The following CENPF variants were observed in gnomAD, a reference collection of about 807,000 sequenced individuals.
CENPF encodes centromere protein F.
A neutral mutation model predicts 307.3 loss-of-function variants in CENPF; 214 were observed. The observed-to-expected ratio is 0.70, with a 90% CI of 0.62 to 0.78. The LOEUF is 0.78. CENPF is among the 30% of genes least tolerant of loss of function. The pLI, the probability that CENPF is intolerant of heterozygous loss-of-function variation, is 0.00. For synonymous variants in CENPF, 1,259 were observed against 1,270.6 expected (o/e 0.99, Z 0.19); for missense variants, 3,401 against 3,483.9 (o/e 0.98, Z 0.60).
In CENPF at chr1:214,622,147, G is replaced by A; in HGVS notation, c.934G>A (p.Val312Met). 1 of 1,614,062 alleles carries A rather than the reference G, an allele frequency of 6.2e-7. No homozygotes were observed. The highest frequency in any genetic ancestry group is 8.5e-7 in the Non-Finnish European group (1 of 1,179,982). ...ACATGAAAAAGAAATGAAAGGCCAA[G>A]TGAATAAGTTTCAAGAACTCCAACT... ...QGHEKEMKGQ[V>M]NKFQELQLQL... Residue 312 changes from valine to methionine, a missense_variant, in exon 7 of 20, where the codon GTG becomes ATG. Transcript: ENST00000366955.
At chr1:214,607,741 CAGGCA>C (rs1418829481) in intron 1 of CENPF, among the ~76,000 whole-genome samples, 3 of 152,198 alleles carry the variant, frequency 2.0e-5, no homozygotes, top group African/African-American at 7.2e-5. Flanking sequence ...GTGAAGGCCC[CAGGCA>C]AGCGCAGGGC....
intron 6 of CENPF, 78 bp downstream of exon 6, chr1:214,621,024 C>A: frequency 7.2e-7 from 1 of 1,380,486 alleles, no homozygotes. Flanking sequence ...TTTTTAATCC[C>A]ATAAAGTGCT....
intron 18 of CENPF, among the ~76,000 whole-genome samples, 186 bp downstream of exon 18, chr1:214,657,595 T>C (rs1417245730): frequency 6.6e-6 from 1 of 152,250 alleles, no homozygotes; most frequent in Non-Finnish European, 1.5e-5. Flanking sequence ...TAATTACTTG[T>C]GTCACATTAA....
intron 19 of CENPF, among the ~76,000 whole-genome samples, chr1:214,660,137 A>T (rs567747088): frequency 6.6e-6 from 1 of 152,216 alleles, no homozygotes; most frequent in Non-Finnish European, 1.5e-5. Context: ...ACATCACAAC[A>T]ACAGATTTGC....
At chr1:214,618,030 G>A (rs901760707) in intron 3 of CENPF, among the ~76,000 whole-genome samples, 1 of 152,274 alleles carries the variant, frequency 6.6e-6, no homozygotes, top group Non-Finnish European at 1.5e-5. Flanking sequence ...CAATCATAGC[G>A]GAAGGGGAAG....
rs763290470 is a variant in CENPF, at chr1:214,663,689, G to T, written c.9240G>T (p.Pro3080=). The T allele has an allele frequency of 2.5e-6, 4 of 1,613,860 alleles. No homozygotes were observed. In the East Asian group the frequency reaches 6.7e-5, roughly 27 times the overall value. The change falls in exon 20 of 20, where the codon CCG becomes CCT. Residue 3080 remains proline (P), a synonymous_variant. Coordinates refer to ENST00000366955, the MANE Select transcript of CENPF (RefSeq NM_016343.4). ...VPVNNLPERS[P]TDSPREGLRV... ...TCAATAATCTTCCTGAGAGAAGTCC[G>T]ACTGACAGCCCCAGAGAGGGCCTGA...
At chr1:214,607,953 G>A (rs531600200) in intron 1 of CENPF, among the ~76,000 whole-genome samples, 7 of 152,140 alleles carry the variant, frequency 4.6e-5, no homozygotes, top group East Asian at 3.9e-4. Flanking sequence ...GTGCTGCCTC[G>A]GCCGATGGGG....
At chr1:214,605,673 C>T (rs1453163972) in intron 1 of CENPF, 2 of 1,581,160 alleles carry the variant, frequency 1.3e-6, no homozygotes, top group South Asian at 1.1e-5. Context: ...TTGGTGCCGC[C>T]GCTAGGCGAG....
rs745325025 is a variant in CENPF at position 214,642,165 on chromosome 1, C to T, written c.3827C>T (p.Pro1276Leu). Reference protein sequence around the residue: ...IDAEEKYISGPHELSTSQNDN... With the variant: ...IDAEEKYISGLHELSTSQNDN... ...GCGGAAGAAAAGTATATTTCAGGGC[C>T]TCATGAGTTGTCAACAAGTCAAAAC... Residue 1276 changes from proline (P) to leucine (L), a missense_variant, in exon 12 of 20, where the codon CCT becomes CTT. Physicochemically the swap from Pro to Leu is moderately conservative, Grantham distance 98. Coordinates refer to ENST00000366955, the MANE Select transcript of CENPF (RefSeq NM_016343.4). 1 of 1,614,160 alleles carries T rather than the reference C, an allele frequency of 6.2e-7. No homozygotes were observed. The highest frequency in any genetic ancestry group is 1.7e-5 in the Admixed American group (1 of 60,016).
At chr1:214,647,523 G>A (rs1293254512) in intron 13 of CENPF, 123 bp downstream of exon 13, 4 of 1,118,544 alleles carry the variant, frequency 3.6e-6, no homozygotes, top group Non-Finnish European at 3.7e-6. Flanking sequence ...ACCAAACTTT[G>A]TAAAGGCTTT....
At chr1:214,638,817 A>G (rs899944847) in intron 11 of CENPF, among the ~76,000 whole-genome samples, 8 of 152,230 alleles carry the variant, frequency 5.3e-5, no homozygotes, top group African/African-American at 1.9e-4. Context: ...AAAATAAAAC[A>G]AAACAAAAAC....
At position 214,620,833 on chromosome 1, in the gene CENPF, A is replaced by C; in HGVS notation, c.752A>C (p.Glu251Ala). 3.1e-6 allele frequency: 5 copies of C among 1,614,226 alleles called. No individual in the cohort carries two copies. In the South Asian group the frequency reaches 3.3e-5, roughly 11 times the overall value. Residue 251 changes from glutamate (E) to alanine (A), a missense_variant, in exon 6 of 20, where the codon GAG (glutamate) becomes GCG (alanine). By Grantham distance (107) the Glu-to-Ala change is moderately radical (BLOSUM62 -1). Coordinates refer to ENST00000366955, the MANE Select transcript of CENPF (RefSeq NM_016343.4). ...FSASYFSGEQ[E>A]VTPSRSTLQI... is the part of the protein sequence containing the mutation. The stretch of plus-strand genomic sequence containing the variant: ...GCATCTTACTTTTCTGGGGAACAAG[A>C]GGTGACTCCAAGTCGATCAACTTTG...
rs1553287472 is a variant in CENPF at position 214,632,478 on chromosome 1, A to G, written c.1324-2A>G. ...AAACTTGGTCTCTTTTTCTTTTTGT[A>G]GCTCACATCAGTAAAGCAACAGCTA... On this transcript the variant is annotated splice_acceptor_variant, in intron 9 of 19. Coordinates refer to ENST00000366955, the MANE Select transcript of CENPF (RefSeq NM_016343.4). LOFTEE classifies it high-confidence loss of function. The G allele has an allele frequency of 6.2e-7, 1 of 1,609,568 alleles. No homozygotes were observed. The highest frequency in any genetic ancestry group is 1.1e-5 in the South Asian group (1 of 89,830).
At chr1:214,621,108 T>C (rs909293108) in intron 6 of CENPF, among the ~76,000 whole-genome samples, 162 bp downstream of exon 6, 4 of 152,220 alleles carry the variant, frequency 2.6e-5, no homozygotes, top group Non-Finnish European at 5.9e-5. Context: ...TTTTCAATAA[T>C]GATAAAAGGC....
At chr1:214,618,951 T>G (rs1373168531) in intron 4 of CENPF, among the ~76,000 whole-genome samples, 178 bp from the exon 5 acceptor site, 1 of 152,224 alleles carries the variant, frequency 6.6e-6, no homozygotes, top group African/African-American at 2.4e-5. Flanking sequence ...AAAACACTTA[T>G]GTTTTTATGT....
intron 1 of CENPF, 100 bp from the exon 2 acceptor site, chr1:214,613,614 T>C (rs1211613065): frequency 3.6e-6 from 3 of 836,750 alleles, no homozygotes; most frequent in Non-Finnish European, 5.5e-6. Flanking sequence ...AATGTGGTCT[T>C]GAAACTTGAT....
At position 214,646,756 on chromosome 1, in the gene CENPF, A is replaced by G. The variant is rs3748697; in HGVS notation, c.7186A>G (p.Asn2396Asp). The G allele has an allele frequency of 0.46, 746,680 of 1,612,922 alleles. 185,145 individuals carry two copies. The highest frequency in any genetic ancestry group is 0.52 in the Non-Finnish European group (613,015 of 1,179,456). Residue 2396 changes from asparagine to aspartate, a missense_variant, in exon 13 of 20, where the codon AAT (asparagine) becomes GAT (aspartate). Physicochemically the swap from Asn to Asp is conservative, Grantham distance 23 (BLOSUM62 1). Transcript: ENST00000366955. ...TGTTACTATAAGGTCAGAAAAAGAA[A>G]ATCTGACAAATGAATTACAAAAAGA... is the stretch of plus-strand genomic sequence containing the variant. ...DVVTIRSEKE[N>D]LTNELQKEQE...
chr1:214,660,950 A>G (rs994115988), intron 19 of CENPF, among the ~76,000 whole-genome samples: 2 of 152,252 alleles, frequency 1.3e-5, no homozygotes, highest in Non-Finnish European at 2.9e-5. Flanking sequence ...TTGCATTAAT[A>G]GATGTTTATA....
At position 214,645,658 on chromosome 1, in the gene CENPF, A is replaced by G. The variant is rs937593291; in HGVS notation, c.6088A>G (p.Lys2030Glu). The change falls in exon 13 of 20, where the codon AAA becomes GAA. Residue 2030 changes from lysine to glutamate, a missense_variant. Lys to Glu is a moderately conservative substitution (Grantham distance 56). Coordinates refer to ENST00000366955, the MANE Select transcript of CENPF (RefSeq NM_016343.4). ...SSDVSELLKDKTHLQEKLQSL... is the reference protein window; with the variant it reads ...SSDVSELLKDETHLQEKLQSL... ...TGATGTGAGTGAGCTGTTAAAAGAC[A>G]AAACTCATCTCCAGGAAAAGCTGCA... is the stretch of plus-strand genomic sequence containing the variant. 1.2e-6 allele frequency: 2 copies of G among 1,614,198 alleles called. No individual in the cohort carries two copies. The highest frequency in any genetic ancestry group is 1.7e-6 in the Non-Finnish European group (2 of 1,180,016).
Sources: allele counts gnomAD v4.1 joint callset (sites outside exome capture counted in the v4.1 genomes callset), GRCh38; gene constraint gnomAD v4.1.1; transcripts MANE v1.5; gene names NCBI Gene and HGNC (gene_info 2026-07-23, HGNC 2026-07-21).